The following DHX37 variants were observed in gnomAD, a reference collection of about 807,000 sequenced individuals.
DHX37 encodes DEAH-box helicase 37, also known as probable ATP-dependent RNA helicase DHX37.
In DHX37, 52 loss-of-function variants were observed where a neutral mutation model predicts 134.3. The ratio of observed to expected loss-of-function variants is 0.39; its 90% confidence interval spans 0.31 to 0.49. The LOEUF is 0.49. DHX37 is among the 20% of genes least tolerant of loss of function. DHX37 has a pLI of 0.93. For synonymous variants in DHX37, 634 were observed against 670.7 expected (o/e 0.95, Z 0.85); for missense variants, 1,344 against 1,580.8 (o/e 0.85, Z 2.54).
At chr12:124,979,714 C>T (rs947001303) in intron 4 of DHX37, among the ~76,000 whole-genome samples, 2 of 152,172 alleles carry the variant, frequency 1.3e-5, no homozygotes, top group East Asian at 1.9e-4. Flanking sequence ...GGCAGGGACA[C>T]GGGATGGAGG....
chr12:124,955,040 G>A (rs1420538243), intron 18 of DHX37, among the ~76,000 whole-genome samples: 2 of 152,230 alleles, frequency 1.3e-5, no homozygotes, highest in Admixed American at 6.5e-5. Flanking sequence ...CTTGACACTA[G>A]CATCACGTGG....
rs778952934 is a variant in DHX37 at position 124,977,389 on chromosome 12, C to T, written c.840G>A (p.Gly280=). 6 of 1,605,598 alleles carry T rather than the reference C, an allele frequency of 3.7e-6. No homozygotes were observed. The highest frequency in any genetic ancestry group is 1.7e-6 in the Non-Finnish European group (2 of 1,176,602). Residue 280 remains glycine, a synonymous_variant, in exon 5 of 27, where the codon GGG becomes GGA. Transcript: ENST00000308736. ...IVIVCGETGS[G]KTTQVPQFLY... is the part of the protein sequence containing the mutation. ...GAAACTGAGGCACCTGTGTGGTCTT[C>T]CCGCTGCCGGTCTCACCACACACGA...
Position 124,949,615 on chromosome 12 carries a change from G to T in DHX37, c.3290+371C>A, listed in dbSNP as rs1306960024. Among the ~76,000 whole-genome samples, 1 of 152,138 alleles carries T rather than the reference G, an allele frequency of 6.6e-6. No homozygotes were observed. The highest frequency in any genetic ancestry group is 1.5e-5 in the Non-Finnish European group (1 of 68,028). On this transcript the variant is annotated intron_variant, in intron 25 of 26. Coordinates refer to ENST00000308736, the MANE Select transcript of DHX37 (RefSeq NM_032656.4). The surrounding 1 kb of genome is among the most constrained non-coding windows in gnomAD (Gnocchi z 4.0). ...AGCGTGTGACCTTATATGGAAAGAG[G>T]GTCACTGCAAATGTCATGAGTTAAG...
intron 3 of DHX37, among the ~76,000 whole-genome samples, chr12:124,981,388 G>A (rs1376381886): frequency 6.6e-6 from 1 of 152,184 alleles, no homozygotes; most frequent in African/African-American, 2.4e-5. Flanking sequence ...GGCCATTTAA[G>A]GGTCAGCAGC....
rs761239989 is a variant in DHX37 at position 124,980,640 on chromosome 12, C to T, written c.588G>A (p.Val196=). Residue 196 remains valine, a synonymous_variant, in exon 4 of 27, where the codon GTG becomes GTA. Coordinates refer to ENST00000308736, the MANE Select transcript of DHX37 (RefSeq NM_032656.4). This position sits in a 1 kb window ranked among gnomAD's most constrained non-coding sequence, Gnocchi z 5.3. ...GTGCTGGAGCTGGCGGCAGAGGTGC[C>T]ACGGTGGTCCCCACACCAGCCTCAG... is the stretch of plus-strand genomic sequence containing the variant. ...EPAEAGVGTT[V]APLPPAPAPS... is the part of the protein sequence containing the mutation. 2.5e-6 allele frequency: 4 copies of T among 1,606,330 alleles called. No homozygotes were observed.
chr12:124,971,999 C>T (rs551815687), intron 7 of DHX37, among the ~76,000 whole-genome samples: 29 of 152,358 alleles, frequency 1.9e-4, no homozygotes, highest in African/African-American at 6.7e-4. Context: ...CGTGAAGACG[C>T]TCAAGGGCAA....
rs529750440 is a variant in DHX37, at chr12:124,982,841, G to A, written c.277-218C>T. ...ACAGAATCTGGGGTTGTATAAATGAGGTTCTCTGCAGCAGGGTATCACAGT... is the reference window on the plus strand; with the variant it reads ...ACAGAATCTGGGGTTGTATAAATGAAGTTCTCTGCAGCAGGGTATCACAGT... On this transcript the variant is annotated intron_variant, in intron 2 of 26. Transcript: ENST00000308736. Among the ~76,000 whole-genome samples, 11 of 152,236 alleles carry A rather than the reference G, an allele frequency of 7.2e-5. No individual in the cohort carries two copies. In the East Asian group the frequency reaches 7.7e-4, roughly 11 times the overall value.
intron 20 of DHX37, chr12:124,952,823 ACAGC>A (rs1276946082): frequency 9.3e-6 from 3 of 324,128 alleles, no homozygotes; most frequent in Non-Finnish European, 1.7e-5. Context: ...CTTCGAGGAG[ACAGC>A]CCTCCCCTAA....
intron 8 of DHX37, among the ~76,000 whole-genome samples, chr12:124,969,358 A>G (rs1954470160): frequency 6.6e-6 from 1 of 152,124 alleles, no homozygotes; most frequent in South Asian, 2.1e-4. Context: ...CCTGGTCCCC[A>G]GGCCGCTCAG....
In DHX37 at chr12:124,950,057, G is replaced by C. The variant is rs935022710; in HGVS notation, c.3219C>G (p.Val1073=). 1.9e-6 allele frequency: 3 copies of C among 1,613,738 alleles called. No homozygotes were observed. In the African/African-American group the frequency reaches 4.0e-5, roughly 21 times the overall value. ...TCCGGTATGAGGCCAGCTTGCGGAA[G>C]ACCTGATGAGAGACCACAGGAAGGG... The part of the protein sequence containing the change: ...HFARFLLEGQ[V]FRKLASYRSC... The change falls in exon 25 of 27, where the codon GTC becomes GTG. Residue 1073 remains valine, a splice_region_variant and synonymous_variant. Coordinates refer to ENST00000308736, the MANE Select transcript of DHX37 (RefSeq NM_032656.4).
At chr12:124,964,332 G>T (rs1954333523) in intron 15 of DHX37, 62 bp downstream of exon 15, 4 of 1,600,158 alleles carry the variant, frequency 2.5e-6, no homozygotes, top group Non-Finnish European at 3.4e-6. Flanking sequence ...TCCTTCCCTT[G>T]TTCCTCAGTG....
chr12:124,957,083 G>A lies in DHX37; in HGVS notation c.2210C>T (p.Ala737Val). 6.7e-7 allele frequency: 1 copy of A among 1,499,718 alleles called. No homozygotes were observed. Among genetic ancestry groups the A allele is most frequent in the Non-Finnish European group, 8.9e-7 (1 of 1,129,444 alleles). 92.9% of individuals were successfully genotyped at this position (1,499,718 alleles called of 1,614,324 possible). A position where few individuals can be genotyped will look rare whatever the true frequency, so the allele number is the denominator to read the frequency against. ...ACCCAGTGCGATCAACAGCTCCTCG[G>A]CGGCAAGAAGGGCTTCCACGGAGGG... ...TPPSVEALLA[A>V]EELLIALGAL... Residue 737 changes from alanine to valine, a missense_variant, in exon 17 of 27, where the codon GCC becomes GTC. This residue lies in a region of DHX37 where 558 missense variants were observed against 650.0 expected (regional missense o/e 0.86). Transcript: ENST00000308736.
At position 124,975,578 on chromosome 12, in the gene DHX37, A is replaced by G. The variant is rs1451995384; in HGVS notation, c.888-67T>C. 2.0e-6 allele frequency: 3 copies of G among 1,534,416 alleles called. No individual in the cohort carries two copies. In the East Asian group the frequency reaches 6.8e-5, roughly 35 times the overall value. ...ACCTGTTCATGCCAAAGCCTCATGC[A>G]GTTCCACAGCAAGATTTGCCATACT... On this transcript the variant is annotated intron_variant, in intron 5 of 26. Transcript: ENST00000308736.
At chr12:124,987,357 A>T (rs891738721) in intron 1 of DHX37, among the ~76,000 whole-genome samples, 1 of 152,240 alleles carries the variant, frequency 6.6e-6, no homozygotes, top group Non-Finnish European at 1.5e-5. Flanking sequence ...AAATAAATAA[A>T]TAAAAGAAGG....
chr12:124,951,637 T>A (rs1953979361), intron 21 of DHX37, among the ~76,000 whole-genome samples: 1 of 152,180 alleles, frequency 6.6e-6, no homozygotes, highest in African/African-American at 2.4e-5. Flanking sequence ...ACACTTGTCA[T>A]CCTAACACTT....
At chr12:124,968,085 A>AT (rs988229685) in intron 10 of DHX37, among the ~76,000 whole-genome samples, 5 of 34,422 alleles carry the variant, frequency 1.5e-4, no homozygotes, top group Non-Finnish European at 4.9e-4. Context: ...CGTCTCAAAA[A>AT]AAAAAAGTCT....
chr12:124,963,741 G>A (rs1268304407), intron 15 of DHX37, among the ~76,000 whole-genome samples: 10 of 150,994 alleles, frequency 6.6e-5, no homozygotes, highest in African/African-American at 2.2e-4. Context: ...TTAGCCGGGC[G>A]TGGTGGCAGG....
At chr12:124,955,022 TAC>T (rs1405863949) in intron 18 of DHX37, among the ~76,000 whole-genome samples, 2 of 152,340 alleles carry the variant, frequency 1.3e-5, no homozygotes, top group East Asian at 3.9e-4. Flanking sequence ...GTCACCACGC[TAC>T]AGAGCCTTGA....
intron 6 of DHX37, 122 bp from the exon 7 acceptor site, chr12:124,972,721 T>C (rs1954546433): frequency 1.1e-5 from 9 of 846,374 alleles, no homozygotes; most frequent in Non-Finnish European, 1.8e-5. Flanking sequence ...GCTGGCAACC[T>C]GAAACAAGTC....
Sources: allele counts gnomAD v4.1 joint callset (sites outside exome capture counted in the v4.1 genomes callset), GRCh38; gene constraint gnomAD v4.1.1; regional missense constraint gnomAD v4.1.1; non-coding constraint Gnocchi (gnomAD v3.1); transcripts MANE v1.5; gene names NCBI Gene and HGNC (gene_info 2026-07-23, HGNC 2026-07-21).